ZNF503: variants seen among roughly 807,000 people sequenced by gnomAD.
ZNF503 encodes the protein NocA-like zinc finger 2.
In ZNF503, 15 loss-of-function variants were observed where a neutral mutation model predicts 34.4. The ratio of observed to expected loss-of-function variants is 0.44; its 90% CI spans 0.29 to 0.67. The LOEUF (loss-of-function observed/expected upper bound fraction) is 0.67, where lower values mean the gene tolerates loss of function less well. ZNF503 is among the 30% of genes least tolerant of loss of function. The pLI is 0.13. For synonymous variants in ZNF503, 580 were observed against 456.8 expected (o/e 1.27, Z -3.44); for missense variants, 1,007 against 926.8 (o/e 1.09, Z -1.12).
chr10:75,291,034 A>G, the ZNF503 span, among the ~76,000 whole-genome samples: 1 of 152,186 alleles, frequency 6.6e-6, no homozygotes, highest in South Asian at 2.1e-4. Flanking sequence ...TGAGGACCAG[A>G]TAAGCTAGAA....
the ZNF503 span, among the ~76,000 whole-genome samples, chr10:75,287,958 T>C: frequency 6.6e-6 from 1 of 152,142 alleles, no homozygotes; most frequent in East Asian, 1.9e-4. Context: ...CCCACTCTTG[T>C]GCATGGTTAG....
the ZNF503 span, among the ~76,000 whole-genome samples, chr10:75,389,015 A>C: frequency 1.3e-5 from 2 of 152,220 alleles, no homozygotes; most frequent in Non-Finnish European, 2.9e-5. Context: ...AGGTTTCTGC[A>C]TCCTTCCCTC....
At chr10:75,341,666 C>T in the ZNF503 span, among the ~76,000 whole-genome samples, 1 of 152,160 alleles carries the variant, frequency 6.6e-6, no homozygotes, top group Non-Finnish European at 1.5e-5. Context: ...ACCCATAAAA[C>T]ACCACCAAGC....
the ZNF503 span, among the ~76,000 whole-genome samples, chr10:75,312,288 C>A: frequency 6.6e-6 from 1 of 151,802 alleles, no homozygotes; most frequent in Non-Finnish European, 1.5e-5. Context: ...AAGGAAAAAA[C>A]AAATGAAAAT....
At chr10:75,367,297 C>A in the ZNF503 span, among the ~76,000 whole-genome samples, 3 of 152,120 alleles carry the variant, frequency 2.0e-5, no homozygotes, top group African/African-American at 7.2e-5. Context: ...TTCCTAACAA[C>A]CCCACCCACG....
the ZNF503 span, among the ~76,000 whole-genome samples, chr10:75,290,386 T>C: frequency 6.6e-6 from 1 of 152,202 alleles, no homozygotes; most frequent in Non-Finnish European, 1.5e-5. Flanking sequence ...GGCCTCTCCA[T>C]GTGAACTCTC....
the ZNF503 span, among the ~76,000 whole-genome samples, chr10:75,317,235 C>T: frequency 1.3e-5 from 2 of 150,802 alleles, no homozygotes; most frequent in African/African-American, 2.4e-5. Flanking sequence ...AGCCACCACA[C>T]CTGGCCCAAC....
At chr10:75,392,805 G>C in the ZNF503 span, among the ~76,000 whole-genome samples, 2 of 152,162 alleles carry the variant, frequency 1.3e-5, no homozygotes, top group Admixed American at 6.5e-5. Flanking sequence ...AGGAAAGAAA[G>C]AAACAAACTT....
chr10:75,357,272 C>T, the ZNF503 span, among the ~76,000 whole-genome samples: 1 of 151,764 alleles, frequency 6.6e-6, no homozygotes. Context: ...AATTCCAACA[C>T]TTTGGGGGGC....
the ZNF503 span, among the ~76,000 whole-genome samples, chr10:75,298,335 A>G: frequency 1.3e-5 from 2 of 152,188 alleles, no homozygotes; most frequent in Non-Finnish European, 1.5e-5. Flanking sequence ...CCCCATATCT[A>G]TTCATAGTCA....
At chr10:75,389,511 C>T in the ZNF503 span, among the ~76,000 whole-genome samples, 1 of 152,168 alleles carries the variant, frequency 6.6e-6, no homozygotes, top group African/African-American at 2.4e-5. Context: ...AGGCAGATGA[C>T]TTGAGATCAG....
At chr10:75,296,503 C>T in the ZNF503 span, 1 of 152,028 alleles carries the variant, frequency 6.6e-6, no homozygotes, top group Non-Finnish European at 1.5e-5. Context: ...CAGACACCCC[C>T]CCTTCCTCCA....
chr10:75,354,292 A>T, the ZNF503 span, among the ~76,000 whole-genome samples: 9 of 152,258 alleles, frequency 5.9e-5, no homozygotes, highest in Admixed American at 1.3e-4. Flanking sequence ...TTGATTAAAA[A>T]GGCAGTTGGG....
At position 75,398,927 on chromosome 10, in the gene ZNF503, G is replaced by A. The variant is rs1172287669; in HGVS notation, c.1763C>T (p.Ala588Val). The change falls in exon 2 of 2, where the codon GCG becomes GTG. Residue 588 changes from alanine (A) to valine (V), a missense_variant. Ala to Val is a moderately conservative substitution (Grantham distance 64). Coordinates refer to ENST00000372524, the MANE Select transcript of ZNF503 (RefSeq NM_032772.6). ...SGAPGSPGTLALRSPHHALGL... is the reference protein window; with the variant it reads ...SGAPGSPGTLVLRSPHHALGL... ...CAGCGCGTGGTGGGGGCTGCGCAGCGCCAGCGTCCCAGGGCTGCCCGGTGC... is the reference window on the plus strand; with the variant it reads ...CAGCGCGTGGTGGGGGCTGCGCAGCACCAGCGTCCCAGGGCTGCCCGGTGC... 2 of 1,585,326 alleles carry A rather than the reference G, an allele frequency of 1.3e-6. No individual in the cohort carries two copies.
the ZNF503 span, among the ~76,000 whole-genome samples, chr10:75,357,495 G>A: frequency 2.0e-5 from 3 of 152,098 alleles, no homozygotes; most frequent in Admixed American, 6.5e-5. Flanking sequence ...TCCAGCCTGG[G>A]CAACAGAGCG....
At chr10:75,390,968 G>A in the ZNF503 span, among the ~76,000 whole-genome samples, 3 of 152,152 alleles carry the variant, frequency 2.0e-5, no homozygotes, top group Non-Finnish European at 2.9e-5. Context: ...CTATGCATTG[G>A]TTGGGGGTGG....
chr10:75,361,907 C>T, the ZNF503 span, among the ~76,000 whole-genome samples: 8 of 152,190 alleles, frequency 5.3e-5, 1 homozygote, highest in African/African-American at 1.9e-4. Flanking sequence ...AGGAAGAGCC[C>T]CTCTGACTTT....
At chr10:75,316,362 T>C in the ZNF503 span, among the ~76,000 whole-genome samples, 5 of 152,034 alleles carry the variant, frequency 3.3e-5, no homozygotes, top group Admixed American at 3.3e-4. Context: ...TTTTTTTTTT[T>C]TCTTTTTCTT....
the ZNF503 span, among the ~76,000 whole-genome samples, chr10:75,381,512 T>C: frequency 6.6e-6 from 1 of 152,162 alleles, no homozygotes; most frequent in Non-Finnish European, 1.5e-5. Flanking sequence ...CATGAGCCAC[T>C]GTGTGTGGCC....
Sources: gnomAD v4.1 joint callset for allele counts (sites outside exome capture counted in the v4.1 genomes callset) on GRCh38, gnomAD v4.1.1 for gene constraint, MANE v1.5 for transcripts, NCBI Gene and HGNC (gene_info 2026-07-23, HGNC 2026-07-21) for gene names.